Variants in MSI2 observed in about 807,000 individuals in gnomAD.
MSI2 encodes the protein musashi RNA binding protein 2.
In MSI2, 17 loss-of-function variants were observed where a neutral mutation model predicts 45.6. The observed-to-expected ratio is 0.37, with a 90% CI of 0.26 to 0.56. The LOEUF (loss-of-function observed/expected upper bound fraction) is 0.56, where lower values mean the gene tolerates loss of function less well. Among genes scored for constraint, MSI2 ranks in the 20% least tolerant of loss-of-function variants. MSI2 has a pLI of 0.77. For synonymous variants in MSI2, 156 were observed against 158.2 expected, an observed-to-expected ratio of 0.99 and a Z score of 0.11; for missense variants, 293 against 444.2, an observed-to-expected ratio of 0.66 and a Z score of 3.06.
chr17:57,346,897 G>A (rs992872947), intron 5 of MSI2, among the ~76,000 whole-genome samples: 2 of 152,192 alleles, frequency 1.3e-5, no homozygotes, highest in Non-Finnish European at 2.9e-5. Flanking sequence ...GTGAGCCACT[G>A]TGCCCAGCCA....
At chr17:57,268,233 A>T (rs1368436178) in intron 5 of MSI2, 1 of 152,198 alleles carries the variant, frequency 6.6e-6, no homozygotes, top group African/African-American at 2.4e-5. Flanking sequence ...GATAGTGTGG[A>T]GAATATGACA....
intron 5 of MSI2, among the ~76,000 whole-genome samples, chr17:57,328,305 GCATCCATTTATCCATC>G (rs1913982159): frequency 7.0e-6 from 1 of 143,088 alleles, no homozygotes; most frequent in Admixed American, 6.8e-5. Context: ...ATCCATCCAT[GCATCCATTTATCCATC>G]CATCCATCCA....
intron 9 of MSI2, among the ~76,000 whole-genome samples, chr17:57,620,663 G>C (rs1908205909): frequency 6.6e-6 from 1 of 152,214 alleles, no homozygotes; most frequent in Admixed American, 6.5e-5. Context: ...AGCCCAAGGA[G>C]TTTGGATTAT....
intron 6 of MSI2, among the ~76,000 whole-genome samples, chr17:57,515,532 A>G (rs1303140053): frequency 6.6e-6 from 1 of 152,104 alleles, no homozygotes. Context: ...TTTATCCTCC[A>G]AAATCTTCCT....
At chr17:57,600,605 A>G (rs1905761653) in intron 8 of MSI2, among the ~76,000 whole-genome samples, 1 of 152,190 alleles carries the variant, frequency 6.6e-6, no homozygotes, top group Non-Finnish European at 1.5e-5. Flanking sequence ...TCTACCATGC[A>G]GAAGGGCCAG....
Position 57,552,077 on chromosome 17 carries a change from C to T in MSI2, c.454+22353C>T, listed in dbSNP as rs1396988200. On this transcript the variant is annotated intron_variant, in intron 7 of 13. Transcript: ENST00000284073. The surrounding 1 kb of genome is among the most constrained non-coding windows in gnomAD (Gnocchi z 4.3). Reference sequence around the variant, plus strand: ...ACCTAGAGCCCCTCGTCCTGGGGCTCAAGGACCCAGCTCATGTGACCTTCA... The same window carrying T: ...ACCTAGAGCCCCTCGTCCTGGGGCTTAAGGACCCAGCTCATGTGACCTTCA... Among the ~76,000 whole-genome samples, 2 of 152,144 alleles carry T rather than the reference C, an allele frequency of 1.3e-5. No homozygotes were observed. Among genetic ancestry groups the T allele is most frequent in the African/African-American group, 4.8e-5 (2 of 41,418 alleles).
intron 8 of MSI2, among the ~76,000 whole-genome samples, chr17:57,600,372 C>G (rs1056803931): frequency 4.6e-5 from 7 of 152,202 alleles, no homozygotes; most frequent in Admixed American, 4.6e-4. Context: ...TGGGAAAGGT[C>G]TTACTGCAGA....
chr17:57,549,866 G>A (rs929638149), intron 7 of MSI2, among the ~76,000 whole-genome samples: 8 of 152,220 alleles, frequency 5.3e-5, no homozygotes, highest in Admixed American at 1.3e-4. Flanking sequence ...AGGCCTTGCT[G>A]AGTAGAGAAG....
chr17:57,450,320 A>AAAGAAAGAAAGAAAG (rs1567830999), intron 6 of MSI2: 4 of 142,472 alleles, frequency 2.8e-5, no homozygotes, highest in African/African-American at 1.0e-4. Context: ...AGAAAGAAAG[A>AAAGAAAGAAAGAAAG]AAACCTTTGT....
chr17:57,542,416 C>T (rs570604266), intron 7 of MSI2, among the ~76,000 whole-genome samples: 1 of 152,308 alleles, frequency 6.6e-6, no homozygotes, highest in African/African-American at 2.4e-5. Flanking sequence ...GAAAGTCTGG[C>T]TGAGATAATT....
chr17:57,698,915 G>C, the MSI2 span, among the ~76,000 whole-genome samples: 1 of 149,310 alleles, frequency 6.7e-6, no homozygotes, highest in African/African-American at 2.5e-5. Flanking sequence ...GTGTGTGTGT[G>C]TGTGTGTGTG....
intron 5 of MSI2, chr17:57,285,921 C>T (rs1052970349): frequency 1.3e-5 from 20 of 1,532,978 alleles, no homozygotes; most frequent in East Asian, 4.9e-5. Flanking sequence ...CTAAAGAATA[C>T]GTCTTATCAC....
At chr17:57,605,095 A>G (rs1196072756) in intron 8 of MSI2, among the ~76,000 whole-genome samples, 1 of 152,204 alleles carries the variant, frequency 6.6e-6, no homozygotes, top group Non-Finnish European at 1.5e-5. Context: ...TAAAATGAGA[A>G]TGTCAAATGC....
At chr17:57,548,290 G>A (rs2087218312) in intron 7 of MSI2, among the ~76,000 whole-genome samples, 1 of 152,066 alleles carries the variant, frequency 6.6e-6, no homozygotes, top group African/African-American at 2.4e-5. Context: ...GATCATAGGT[G>A]GGCCTCCCTG....
At chr17:57,477,828 T>C (rs1255408603) in intron 6 of MSI2, among the ~76,000 whole-genome samples, 2 of 152,150 alleles carry the variant, frequency 1.3e-5, no homozygotes, top group African/African-American at 4.8e-5. Flanking sequence ...TCCTGGGTGA[T>C]TTCCTGGCAG....
Position 57,677,708 on chromosome 17 carries a change from C to T in MSI2, c.*31+649C>T, listed in dbSNP as rs1913332891. 2.0e-5 allele frequency among the ~76,000 whole-genome samples: 3 copies of T among 152,234 alleles called. No individual in the cohort carries two copies. The South Asian group carries it at 6.2e-4, about 32-fold the overall frequency. On this transcript the variant is annotated intron_variant, in intron 13 of 13. Transcript: ENST00000284073. ...ACCTGTGTAACATGGATTTGGATCC[C>T]TGCCAGTTTCCTAACCTTTTAAACT...
chr17:57,593,824 T>C lies in MSI2; in HGVS notation c.455-3044T>C, dbSNP rs77172923. 4.4e-3 allele frequency among the ~76,000 whole-genome samples: 662 copies of C among 151,972 alleles called. 1 individual carries two copies. Among genetic ancestry groups the C allele is most frequent in the Middle Eastern group, 0.01 (3 of 294 alleles). On this transcript the variant is annotated intron_variant, in intron 7 of 13. Coordinates refer to ENST00000284073, the MANE Select transcript of MSI2 (RefSeq NM_138962.4). Reference sequence around the variant, plus strand: ...CAGAGGGGTGACCTTCAAAGACAGATGAGACCCAGAGTGCCCCACAGGCTG... The same window carrying C: ...CAGAGGGGTGACCTTCAAAGACAGACGAGACCCAGAGTGCCCCACAGGCTG...
intron 7 of MSI2, among the ~76,000 whole-genome samples, chr17:57,532,519 GA>G (rs887756682): frequency 5.3e-5 from 8 of 152,078 alleles, no homozygotes; most frequent in Non-Finnish European, 1.0e-4. Context: ...TGAAGAGAGT[GA>G]AAAAAAATTT....
rs144949379 is a variant in MSI2, at chr17:57,671,100, G to A, written c.791-3872G>A. 7.9e-5 allele frequency among the ~76,000 whole-genome samples: 12 copies of A among 152,220 alleles called. No individual in the cohort carries two copies. In the East Asian group the frequency reaches 2.3e-3, roughly 29 times the overall value. On this transcript the variant is annotated intron_variant, in intron 11 of 13. Transcript: ENST00000284073. ...GCCACCTTGACTGGGAAAGCCCAGAGGATATTGGAGAGTGAGGATGAGGGG... is the reference window on the plus strand; with the variant it reads ...GCCACCTTGACTGGGAAAGCCCAGAAGATATTGGAGAGTGAGGATGAGGGG...
Sources: allele counts gnomAD v4.1 joint callset (sites outside exome capture counted in the v4.1 genomes callset), GRCh38; gene constraint gnomAD v4.1.1; non-coding constraint Gnocchi (gnomAD v3.1); transcripts MANE v1.5; gene names NCBI Gene and HGNC (gene_info 2026-07-23, HGNC 2026-07-21).